Variants in VAV3 observed in about 807,000 individuals in gnomAD.
VAV3 encodes the protein vav guanine nucleotide exchange factor 3, also known as guanine nucleotide exchange factor VAV3.
A neutral mutation model predicts 131.2 loss-of-function variants in VAV3; 94 were observed. The observed-to-expected ratio is 0.72, with a 90% CI of 0.61 to 0.85. The LOEUF (loss-of-function observed/expected upper bound fraction) is 0.85, where lower values mean the gene tolerates loss of function less well. Ranked by LOEUF, VAV3 falls within the 40% of genes least tolerant of loss-of-function variation. The pLI is 0.00. For synonymous variants in VAV3, 349 were observed against 342.0 expected (o/e 1.02, Z -0.22); for missense variants, 939 against 1,002.7 (o/e 0.94, Z 0.86).
At chr1:107,749,661 G>A in intron 13 of VAV3, 67 bp from the exon 14 acceptor site, 6 of 1,541,568 alleles carry the variant, frequency 3.9e-6, no homozygotes, top group Non-Finnish European at 5.2e-6. Context: ...ATTTTTTTGG[G>A]TATAAAGCAA....
chr1:107,738,842 T>C (rs564653132), intron 15 of VAV3, among the ~76,000 whole-genome samples: 56 of 152,120 alleles, frequency 3.7e-4, no homozygotes, highest in African/African-American at 1.3e-3. Context: ...AACAAACAAC[T>C]CCAAAACAAT....
chr1:107,933,215 C>T (rs999028161), intron 1 of VAV3, among the ~76,000 whole-genome samples: 2 of 150,870 alleles, frequency 1.3e-5, no homozygotes, highest in African/African-American at 4.9e-5. Context: ...TCTTGTTTTG[C>T]TTACAATACT....
chr1:107,825,172 T>C (rs1557868542), intron 2 of VAV3, among the ~76,000 whole-genome samples: 1 of 152,210 alleles, frequency 6.6e-6, no homozygotes, highest in Admixed American at 6.5e-5. Context: ...AAATAGTTCC[T>C]TTCTTATCTT....
At chr1:107,649,410 A>T (rs1405300962) in intron 19 of VAV3, among the ~76,000 whole-genome samples, 1 of 152,102 alleles carries the variant, frequency 6.6e-6, no homozygotes. Context: ...AAGTCAGCAA[A>T]GAACAATTTC....
chr1:107,829,989 A>G (rs1439221488), intron 2 of VAV3, among the ~76,000 whole-genome samples: 1 of 152,214 alleles, frequency 6.6e-6, no homozygotes, highest in Non-Finnish European at 1.5e-5. Flanking sequence ...AACAGTATAT[A>G]GAAGCACTCC....
At chr1:107,750,611 T>C (rs1330711216) in intron 13 of VAV3, among the ~76,000 whole-genome samples, 1 of 152,142 alleles carries the variant, frequency 6.6e-6, no homozygotes, top group Admixed American at 6.5e-5. Flanking sequence ...CAGAAAACAA[T>C]CATTGTCAAC....
intron 6 of VAV3, 110 bp from the exon 7 acceptor site, chr1:107,768,619 G>T: frequency 2.4e-6 from 2 of 832,676 alleles, no homozygotes; most frequent in Non-Finnish European, 3.7e-6. Context: ...TTGTTGATCA[G>T]CATTATAAAC....
chr1:107,580,375 T>C (rs903395058), intron 25 of VAV3, among the ~76,000 whole-genome samples: 1 of 152,170 alleles, frequency 6.6e-6, no homozygotes, highest in African/African-American at 2.4e-5. Context: ...TCCGCAGGCT[T>C]CCTGAGCACC....
chr1:107,587,551 A>ATGTATGTATGTT (rs1294548021), intron 25 of VAV3, among the ~76,000 whole-genome samples: 2 of 152,144 alleles, frequency 1.3e-5, no homozygotes, highest in Non-Finnish European at 2.9e-5. Context: ...GAGACCAGTT[A>ATGTATGTATGTT]TGTATGTATG....
At chr1:107,795,910 C>A (rs6661780) in intron 2 of VAV3, among the ~76,000 whole-genome samples, 55,533 of 152,020 alleles carry the variant, frequency 0.37, 10,640 homozygotes, top group Non-Finnish European at 0.4. Flanking sequence ...ATCCCCCATC[C>A]AATTCCTGAT....
intron 18 of VAV3, among the ~76,000 whole-genome samples, chr1:107,685,337 A>G (rs1421644487): frequency 1.3e-5 from 2 of 152,328 alleles, no homozygotes; most frequent in East Asian, 3.9e-4. Context: ...TAAAATGGAG[A>G]TAATACTAGC....
chr1:107,951,662 C>A (rs1052673715), intron 1 of VAV3, among the ~76,000 whole-genome samples: 2 of 151,942 alleles, frequency 1.3e-5, no homozygotes, highest in African/African-American at 2.4e-5. Flanking sequence ...GGGCAAAAAA[C>A]ATGAGTAGAC....
At chr1:107,752,981 T>C (rs1024598998) in intron 12 of VAV3, among the ~76,000 whole-genome samples, 1 of 152,120 alleles carries the variant, frequency 6.6e-6, no homozygotes, top group Non-Finnish European at 1.5e-5. Context: ...GGCACTTGAA[T>C]AGATATTGGT....
chr1:107,715,603 C>T (rs1661046099), intron 15 of VAV3, among the ~76,000 whole-genome samples: 2 of 152,150 alleles, frequency 1.3e-5, no homozygotes, highest in Admixed American at 6.6e-5. Context: ...TTTTCTGGAA[C>T]CAACAATCAT....
chr1:107,900,887 ATTT>A (rs1223783572), intron 1 of VAV3, among the ~76,000 whole-genome samples: 1 of 152,038 alleles, frequency 6.6e-6, no homozygotes, highest in African/African-American at 2.4e-5. Flanking sequence ...TCCACAAGTT[ATTT>A]TTTTACTCAC....
At position 107,722,840 on chromosome 1, in the gene VAV3, C is replaced by CTTTTTTTTTT. The variant is rs374127110; in HGVS notation, c.1503-17789_1503-17780dup. ...GTGTCAGAAAGCCCTATTATCCTCT[C>CTTTTTTTTTT]TTTTTTTTTTTTTTTGTACGCTTAC... is the stretch of plus-strand genomic sequence containing the variant. On this transcript the variant is annotated intron_variant, in intron 15 of 26. Coordinates refer to ENST00000370056, the MANE Select transcript of VAV3 (RefSeq NM_006113.5). Among the ~76,000 whole-genome samples the CTTTTTTTTTT allele has an allele frequency of 3.0e-3, 393 of 129,724 alleles. 3 individuals carry two copies. The highest frequency in any genetic ancestry group is 4.5e-3 in the East Asian group (20 of 4,422). The allele number at this position is 129,724 out of a possible 152,430, so 85.1% of individuals were successfully genotyped here. A position where few individuals can be genotyped will look rare whatever the true frequency, so the allele number is the denominator to read the frequency against.
intron 20 of VAV3, among the ~76,000 whole-genome samples, chr1:107,618,576 C>T (rs940647918): frequency 1.3e-5 from 2 of 152,092 alleles, no homozygotes; most frequent in Admixed American, 6.6e-5. Context: ...CTTATTGAAT[C>T]CTTAATATGT....
At chr1:107,868,752 T>C (rs576413858) in intron 2 of VAV3, among the ~76,000 whole-genome samples, 1 of 152,272 alleles carries the variant, frequency 6.6e-6, no homozygotes, top group African/African-American at 2.4e-5. Flanking sequence ...ACTTCGGTAA[T>C]AAAGATTAAC....
At chr1:107,617,159 G>A (rs1653219256) in intron 21 of VAV3, among the ~76,000 whole-genome samples, 1 of 152,046 alleles carries the variant, frequency 6.6e-6, no homozygotes, top group African/African-American at 2.4e-5. Context: ...AAAAATTTGT[G>A]GACTTTTCAT....
Sources: allele counts gnomAD v4.1 joint callset (sites outside exome capture counted in the v4.1 genomes callset), GRCh38; gene constraint gnomAD v4.1.1; transcripts MANE v1.5; gene names NCBI Gene and HGNC (gene_info 2026-07-23, HGNC 2026-07-21).